The following NBPF12 variants were observed in gnomAD, a reference collection of about 807,000 sequenced individuals.
NBPF12 encodes NBPF member 12.
Under a neutral mutation model 146.4 loss-of-function variants are expected in NBPF12, and 115 were observed. The observed-to-expected ratio is 0.79, with a 90% CI of 0.68 to 0.92. The LOEUF (loss-of-function observed/expected upper bound fraction) is 0.92, where lower values mean the gene tolerates loss of function less well. Ranked by LOEUF, NBPF12 falls within the 40% of genes least tolerant of loss-of-function variation. NBPF12 has a pLI of 0.00. For synonymous variants in NBPF12, 385 were observed against 508.9 expected (o/e 0.76, Z 3.28); for missense variants, 1,205 against 1,326.8 (o/e 0.91, Z 1.43).
At chr1:146,971,318 C>G in exon 13 of NBPF12, 2 of 1,612,152 alleles carry the variant, frequency 1.2e-6, no homozygotes, top group South Asian at 1.1e-5. Context: ...TTGAGGAAGA[C>G]AAAGTCAACT....
intron 5 of NBPF12, 23 bp from the exon 9 acceptor site, chr1:146,963,072 T>C (rs1655966184): frequency 6.2e-7 from 1 of 1,610,368 alleles, no homozygotes; most frequent in South Asian, 1.1e-5. Context: ...CACTGTTAAA[T>C]TTTCTCTACC....
chr1:146,950,533 G>T (rs1655282224), intron 1 of NBPF12, among the ~76,000 whole-genome samples: 1 of 151,706 alleles, frequency 6.6e-6, no homozygotes, highest in Non-Finnish European at 1.5e-5. Context: ...CACAGCCTGG[G>T]ACTGACCCTC....
intron 8 of NBPF12, 28 bp from the exon 12 acceptor site, chr1:146,966,436 A>G: frequency 7.5e-7 from 1 of 1,330,492 alleles, no homozygotes; most frequent in Non-Finnish European, 1.1e-6. Flanking sequence ...TTTTTAACCC[A>G]TCATGTGTTT....
intron 8 of NBPF12, 51 bp from the exon 12 acceptor site, chr1:146,966,413 T>C: frequency 7.5e-7 from 1 of 1,338,934 alleles, no homozygotes; most frequent in Non-Finnish European, 1.1e-6. Flanking sequence ...TTAAGCCTAC[T>C]TGATTTCACC....
exon 13 of NBPF12, chr1:146,971,336 G>T (rs1656597429): frequency 4.3e-6 from 7 of 1,611,952 alleles, no homozygotes; most frequent in Non-Finnish European, 5.9e-6. Context: ...ACTCATCTCT[G>T]GTTGTAGACA....
chr1:146,961,010 G>A (rs1189465349), intron 4 of NBPF12, among the ~76,000 whole-genome samples: 18 of 152,196 alleles, frequency 1.2e-4, no homozygotes, highest in East Asian at 1.9e-4. Context: ...GATGGGCGTC[G>A]TGGCGGGCAA....
intron 1 of NBPF12, among the ~76,000 whole-genome samples, chr1:146,940,488 T>C (rs1249294534): frequency 4.0e-5 from 6 of 151,348 alleles, no homozygotes; most frequent in Non-Finnish European, 8.8e-5. Context: ...CCCGGGAGGT[T>C]GAGATTGCAG....
exon 11 of NBPF12, chr1:146,969,556 G>T (rs1343646079): frequency 1.2e-6 from 2 of 1,605,454 alleles, no homozygotes; most frequent in Non-Finnish European, 1.7e-6. Flanking sequence ...TGGCTGAGGG[G>T]TGTAGACTGG....
intron 1 of NBPF12, among the ~76,000 whole-genome samples, chr1:146,942,492 G>T (rs1423366943): frequency 5.3e-5 from 8 of 151,456 alleles, no homozygotes; most frequent in Non-Finnish European, 8.8e-5. Context: ...ACCTCACCTG[G>T]CATGAAACAG....
At chr1:146,974,132 C>T (rs1288556667) in intron 14 of NBPF12, among the ~76,000 whole-genome samples, 1 of 150,188 alleles carries the variant, frequency 6.7e-6, no homozygotes, top group Non-Finnish European at 1.5e-5. Flanking sequence ...TCTATTAGTT[C>T]TTCATTCTGC....
chr1:146,964,502 G>T (rs1476806842), intron 7 of NBPF12, 73 bp downstream of exon 10: 6 of 1,590,636 alleles, frequency 3.8e-6, no homozygotes, highest in Non-Finnish European at 4.3e-6. Flanking sequence ...ACCCTCTCTG[G>T]CATCTATGGT....
At chr1:146,969,943 C>G (rs1176822568) in intron 11 of NBPF12, among the ~76,000 whole-genome samples, 1 of 150,758 alleles carries the variant, frequency 6.6e-6, no homozygotes, top group East Asian at 1.9e-4. Context: ...TTCTTTTTGG[C>G]AATGTTCTTA....
chr1:146,953,058 C>G (rs1190778989), intron 2 of NBPF12, among the ~76,000 whole-genome samples: 1 of 150,734 alleles, frequency 6.6e-6, no homozygotes, highest in South Asian at 2.1e-4. Context: ...TGGCGCCTCT[C>G]CTCTACAGGC....
rs1490486187 is a variant in NBPF12 at position 146,977,056 on chromosome 1, A to T, written c.2192+55A>T. 6.0e-6 allele frequency: 4 copies of T among 667,534 alleles called. No individual in the cohort carries two copies. In the Admixed American group the frequency reaches 8.7e-5, roughly 14 times the overall value. 41.4% of individuals were successfully genotyped at this position (667,534 alleles called of 1,614,324 possible). On this transcript the variant is annotated intron_variant, in intron 17 of 33. Transcript: ENST00000617844. ...GGATGGTAACATATGAAGAATATCT[A>T]GGAGGCACACCCTCTCTGGCATGTA...
intron 1 of NBPF12, 28 bp from the exon 5 acceptor site, chr1:146,951,320 A>G: frequency 2.9e-6 from 2 of 678,122 alleles, no homozygotes; most frequent in East Asian, 2.7e-5. Flanking sequence ...CTGGGGAGGT[A>G]AATAAATTAT....
upstream of NBPF12, among the ~76,000 whole-genome samples, chr1:146,947,280 C>T (rs1655118653): frequency 6.6e-6 from 1 of 151,594 alleles, no homozygotes; most frequent in Admixed American, 6.6e-5. Context: ...CATTTAAGTG[C>T]TCCTCCCACT....
rs782652561 is a variant in NBPF12, at chr1:146,994,339, A to G, written c.4138A>G (p.Ser1380Gly). The G allele has an allele frequency of 3.0e-5, 48 of 1,611,122 alleles. No individual in the cohort carries two copies. The South Asian group carries it at 4.9e-4, about 17-fold the overall frequency. The change falls in exon 34 of 34, where the codon AGC (serine) becomes GGC (glycine). Residue 1380 changes from serine to glycine, a missense_variant. Physicochemically the swap from Ser to Gly is moderately conservative, Grantham distance 56. Coordinates refer to ENST00000617844, the Ensembl canonical transcript of NBPF12. ...TTTTGTCTCCTTTTCCAGGCTCAACAGCGTGCTGATGGAAGTGGAAGAGCC... is the reference window on the plus strand; with the variant it reads ...TTTTGTCTCCTTTTCCAGGCTCAACGGCGTGCTGATGGAAGTGGAAGAGCC...
chr1:146,974,758 C>T (rs1656874863), exon 15 of NBPF12: 1 of 936,068 alleles, frequency 1.1e-6, no homozygotes, highest in Non-Finnish European at 1.5e-6. Context: ...AGTGCAAAGA[C>T]CTCCTAAAAT....
chr1:146,943,885 T>C (rs1654908816), intron 2 of NBPF12, among the ~76,000 whole-genome samples: 2 of 144,898 alleles, frequency 1.4e-5, no homozygotes, highest in African/African-American at 5.2e-5. Context: ...CCCCCATTTC[T>C]GTCTCTGTTT....
Sources: gnomAD v4.1 joint callset for allele counts (sites outside exome capture counted in the v4.1 genomes callset) on GRCh38, gnomAD v4.1.1 for gene constraint, MANE v1.5 for transcripts, NCBI Gene and HGNC (gene_info 2026-07-23, HGNC 2026-07-21) for gene names.